ACSS3: variants seen among roughly 807,000 people sequenced by gnomAD.
The protein encoded by ACSS3 is acyl-CoA synthetase short chain family member 3.
Under a neutral mutation model 84.2 loss-of-function variants are expected in ACSS3, and 64 were observed. The observed-to-expected ratio is 0.76, with a 90% CI of 0.62 to 0.94. ACSS3 has a LOEUF of 0.94. ACSS3 is among the 40% of genes least tolerant of loss of function. ACSS3 has a pLI of 0.00. For synonymous variants in ACSS3, 317 were observed against 310.1 expected, an observed-to-expected ratio of 1.02 and a Z score of -0.23; for missense variants, 815 against 867.6, an observed-to-expected ratio of 0.94 and a Z score of 0.76.
intron 5 of ACSS3, among the ~76,000 whole-genome samples, chr12:81,144,278 A>T (rs1286886013): frequency 1.3e-5 from 2 of 152,176 alleles, no homozygotes; most frequent in African/African-American, 4.8e-5. Context: ...TTGGTCTACC[A>T]TTGTGCTGTA....
chr12:81,083,756 C>G (rs535496213), intron 1 of ACSS3, among the ~76,000 whole-genome samples: 2 of 151,840 alleles, frequency 1.3e-5, no homozygotes, highest in Non-Finnish European at 2.9e-5. Flanking sequence ...CAGATGACGA[C>G]GTCAGGAGAT....
chr12:81,204,369 C>A (rs1234512822), intron 9 of ACSS3, among the ~76,000 whole-genome samples: 1 of 150,366 alleles, frequency 6.7e-6, no homozygotes, highest in Non-Finnish European at 1.5e-5. Flanking sequence ...TCCCTCCCCC[C>A]TCGTTCTCTT....
chr12:81,099,150 G>A (rs958733838), intron 1 of ACSS3, among the ~76,000 whole-genome samples: 3 of 151,832 alleles, frequency 2.0e-5, no homozygotes, highest in Admixed American at 6.6e-5. Flanking sequence ...CCTTTTTTTA[G>A]TATATAGATA....
chr12:81,188,939 A>G (rs974851697), intron 8 of ACSS3, among the ~76,000 whole-genome samples: 3 of 152,090 alleles, frequency 2.0e-5, no homozygotes, highest in Non-Finnish European at 4.4e-5. Context: ...AACACTTTAC[A>G]TTTATTCTCC....
intron 1 of ACSS3, among the ~76,000 whole-genome samples, chr12:81,092,032 A>G (rs920011230): frequency 6.6e-6 from 1 of 152,082 alleles, no homozygotes; most frequent in Admixed American, 6.6e-5. Flanking sequence ...AATTAATCCT[A>G]TCTTATCCTC....
chr12:81,153,640 A>T (rs1047357813), intron 7 of ACSS3, among the ~76,000 whole-genome samples: 2 of 152,218 alleles, frequency 1.3e-5, no homozygotes, highest in African/African-American at 2.4e-5. Flanking sequence ...TCTCTCTCAC[A>T]TAAGTGTTCT....
chr12:81,160,182 A>G (rs759925603), intron 7 of ACSS3, among the ~76,000 whole-genome samples: 3 of 152,246 alleles, frequency 2.0e-5, no homozygotes, highest in Non-Finnish European at 4.4e-5. Context: ...GTCTTGATAT[A>G]GCAGTTGTCA....
intron 9 of ACSS3, among the ~76,000 whole-genome samples, chr12:81,205,871 G>A (rs892994928): frequency 3.9e-5 from 6 of 152,084 alleles, no homozygotes; most frequent in South Asian, 4.1e-4. Context: ...CTGTGTGTTA[G>A]CGTGTGACTT....
chr12:81,161,329 T>G (rs908005448), intron 7 of ACSS3, among the ~76,000 whole-genome samples: 2 of 152,202 alleles, frequency 1.3e-5, no homozygotes, highest in Non-Finnish European at 2.9e-5. Flanking sequence ...GAAAACTCGG[T>G]GGTCTCTCCC....
At chr12:81,188,685 C>T (rs922672885) in intron 8 of ACSS3, among the ~76,000 whole-genome samples, 18 of 152,026 alleles carry the variant, frequency 1.2e-4, no homozygotes, top group Non-Finnish European at 2.2e-4. Flanking sequence ...CATAAGTTTG[C>T]GCGTCAAAGT....
chr12:81,093,111 T>C (rs1048319145), intron 1 of ACSS3, among the ~76,000 whole-genome samples: 1 of 152,120 alleles, frequency 6.6e-6, no homozygotes, highest in African/African-American at 2.4e-5. Flanking sequence ...AGGCCTAGGA[T>C]TGAGACTTAT....
intron 7 of ACSS3, among the ~76,000 whole-genome samples, chr12:81,161,643 C>A (rs914863552): frequency 6.6e-6 from 1 of 152,170 alleles, no homozygotes; most frequent in South Asian, 2.1e-4. Flanking sequence ...GCTTTTCCAG[C>A]CAGAAGCCTC....
At chr12:81,137,818 G>A (rs1885887159) in intron 3 of ACSS3, among the ~76,000 whole-genome samples, 2 of 152,096 alleles carry the variant, frequency 1.3e-5, no homozygotes, top group South Asian at 4.1e-4. Context: ...ATATTAAAAT[G>A]TGAATTATAT....
chr12:81,231,163 A>G lies in ACSS3; in HGVS notation c.1596+25A>G, dbSNP rs749967933. On this transcript the variant is annotated intron_variant, in intron 12 of 15. Coordinates refer to ENST00000548058, the MANE Select transcript of ACSS3 (RefSeq NM_024560.4). ...TGTAAGAACTTTAATATGCTTTTTT[A>G]TCTTCTTATGTACTTTTCTATAATT... 88 of 1,531,340 alleles carry G rather than the reference A, an allele frequency of 5.7e-5. 1 individual carries two copies. In the South Asian group the frequency reaches 8.5e-4, roughly 15 times the overall value. 94.9% of individuals were successfully genotyped at this position (1,531,340 alleles called of 1,614,324 possible).
At chr12:81,126,700 G>T (rs2121549658) in intron 2 of ACSS3, among the ~76,000 whole-genome samples, 1 of 152,198 alleles carries the variant, frequency 6.6e-6, no homozygotes, top group Non-Finnish European at 1.5e-5. Flanking sequence ...TGAAAGCAAA[G>T]ATTATTGAAA....
intron 13 of ACSS3, among the ~76,000 whole-genome samples, chr12:81,234,635 T>A (rs2033572546): frequency 6.6e-6 from 1 of 151,496 alleles, no homozygotes; most frequent in African/African-American, 2.4e-5. Context: ...GATTTGCATT[T>A]CTGTAATAAC....
chr12:81,151,787 TAG>T, intron 5 of ACSS3, 55 bp from the exon 6 acceptor site: 1 of 1,471,996 alleles, frequency 6.8e-7, no homozygotes, highest in Non-Finnish European at 9.4e-7. Flanking sequence ...GCTATGAAGA[TAG>T]AGAGTGTTTT....
At chr12:81,179,680 A>G (rs1593166751) in intron 8 of ACSS3, among the ~76,000 whole-genome samples, 1 of 150,092 alleles carries the variant, frequency 6.7e-6, no homozygotes, top group Admixed American at 6.7e-5. Flanking sequence ...CTGAGGCAGG[A>G]GAATGGCGTG....
chr12:81,246,645 T>A (rs1411054777), intron 13 of ACSS3, among the ~76,000 whole-genome samples: 1 of 152,198 alleles, frequency 6.6e-6, no homozygotes, highest in East Asian at 1.9e-4. Context: ...ATAAGTTACT[T>A]CATTTTTTTC....
Sources: allele counts gnomAD v4.1 joint callset (sites outside exome capture counted in the v4.1 genomes callset), GRCh38; gene constraint gnomAD v4.1.1; transcripts MANE v1.5; gene names NCBI Gene and HGNC (gene_info 2026-07-23, HGNC 2026-07-21).